The following PROSER2 variants were observed in gnomAD, a reference collection of about 807,000 sequenced individuals.
PROSER2 encodes proline and serine rich 2, also known as proline and serine-rich protein 2.
PROSER2 carries 18 observed loss-of-function variants against 14.6 expected under a neutral mutation model. That is an observed-to-expected ratio of 1.23 (90% confidence interval 0.85 to 1.83). The LOEUF is 1.83. Among genes scored for constraint, PROSER2 ranks in the 40% most tolerant of loss-of-function variants. The pLI is 0.00. For missense variants in PROSER2, 823 were observed against 629.8 expected (o/e 1.31, Z -3.28); for synonymous variants, 367 against 286.4 (o/e 1.28, Z -2.84).
intron 1 of PROSER2, among the ~76,000 whole-genome samples, chr10:11,832,337 T>C (rs1190034691): frequency 2.0e-5 from 3 of 152,240 alleles, no homozygotes; most frequent in Non-Finnish European, 4.4e-5. Flanking sequence ...AAGGTTTTTT[T>C]CTTGAAATTG....
chr10:11,843,042 A>G (rs1043756223), intron 1 of PROSER2, among the ~76,000 whole-genome samples: 5 of 141,780 alleles, frequency 3.5e-5, no homozygotes, highest in Non-Finnish European at 7.5e-5. Flanking sequence ...CTGGGTTTAC[A>G]CCATTCTCCT....
chr10:11,844,847 C>T (rs1311395113), intron 1 of PROSER2, among the ~76,000 whole-genome samples: 2 of 152,206 alleles, frequency 1.3e-5, no homozygotes, highest in African/African-American at 4.8e-5. Context: ...GTCTCAAACT[C>T]CTGACCTCAA....
At chr10:11,826,423 T>C (rs1833613909) in intron 1 of PROSER2, among the ~76,000 whole-genome samples, 1 of 152,198 alleles carries the variant, frequency 6.6e-6, no homozygotes, top group South Asian at 2.1e-4. Context: ...ATATGGTAAT[T>C]CTGTGATTAA....
Position 11,869,918 on chromosome 10 carries a change from G to T in PROSER2, c.820G>T (p.Ala274Ser), listed in dbSNP as rs779993273. 7 of 1,566,638 alleles carry T rather than the reference G, an allele frequency of 4.5e-6. 1 individual carries two copies. In the South Asian group the frequency reaches 8.2e-5, roughly 18 times the overall value. ...GGAGCCCCGCAGGACCCTGTCCAGG[G>T]CGGCCGTCAGCGTGCAGGAGCGCAG... is the stretch of plus-strand genomic sequence containing the variant. ...AREPRRTLSR[A>S]AVSVQERRAQ... The change falls in exon 4 of 4, where the codon GCG becomes TCG. Residue 274 changes from alanine to serine, a missense_variant. Transcript: ENST00000277570. This position sits in a 1 kb window ranked among gnomAD's most constrained non-coding sequence, Gnocchi z 4.4.
intron 1 of PROSER2, among the ~76,000 whole-genome samples, chr10:11,835,226 T>C (rs1224391278): frequency 6.6e-6 from 1 of 152,204 alleles, no homozygotes; most frequent in Non-Finnish European, 1.5e-5. Context: ...GAAAACGCTC[T>C]AGGAGCCCCA....
chr10:11,826,876 G>A lies in PROSER2; in HGVS notation c.-82+3406G>A, dbSNP rs191026402. Among the ~76,000 whole-genome samples, 355 of 135,866 alleles carry A rather than the reference G, an allele frequency of 2.6e-3. 3 individuals are homozygous for A. The highest frequency in any genetic ancestry group is 8.5e-3 in the African/African-American group (316 of 37,238). The allele number at this position is 135,866 out of a possible 152,430, so 89.1% of individuals were successfully genotyped here. On this transcript the variant is annotated intron_variant, in intron 1 of 3. Transcript: ENST00000277570. ...ATTACAGGCATGAGCCACTGCACCC[G>A]GCCTTTTTTTTTTTTTTTTTTCCTC...
chr10:11,865,338 T>C lies in PROSER2; in HGVS notation c.139-1193T>C, dbSNP rs909509628. On this transcript the variant is annotated intron_variant, in intron 2 of 3. Transcript: ENST00000277570. This position sits in a 1 kb window ranked among gnomAD's most constrained non-coding sequence, Gnocchi z 4.2. Reference sequence around the variant, plus strand: ...TGTAAAGAAAAAAAATCATGCTGTTTATGGATTCAGTATCCCCTCTTATCT... The same window carrying C: ...TGTAAAGAAAAAAAATCATGCTGTTCATGGATTCAGTATCCCCTCTTATCT... Among the ~76,000 whole-genome samples, 2 of 152,226 alleles carry C rather than the reference T, an allele frequency of 1.3e-5. No individual in the cohort carries two copies. Among genetic ancestry groups the C allele is most frequent in the African/African-American group, 4.8e-5 (2 of 41,460 alleles).
At chr10:11,834,840 C>T (rs1295937833) in intron 1 of PROSER2, among the ~76,000 whole-genome samples, 4 of 151,990 alleles carry the variant, frequency 2.6e-5, no homozygotes, top group South Asian at 2.1e-4. Flanking sequence ...CAGTGGCTCA[C>T]GCCTGTAATC....
At chr10:11,833,984 C>CTTTTTTTTTTT (rs35005102) in intron 1 of PROSER2, among the ~76,000 whole-genome samples, 4 of 48,226 alleles carry the variant, frequency 8.3e-5, no homozygotes, top group African/African-American at 3.9e-4. Context: ...GTAGCTCTTT[C>CTTTTTTTTTTT]TTTTTTTTTT....
chr10:11,843,528 AT>A (rs1235391038), intron 1 of PROSER2, among the ~76,000 whole-genome samples: 2 of 151,964 alleles, frequency 1.3e-5, no homozygotes, highest in African/African-American at 4.8e-5. Context: ...CCTACTAAAG[AT>A]ACAAAAATTA....
At chr10:11,827,399 A>T (rs139422787) in intron 1 of PROSER2, among the ~76,000 whole-genome samples, 3,178 of 152,216 alleles carry the variant, frequency 0.021, 45 homozygotes, top group Non-Finnish European at 0.037. Context: ...GTGACTAAGT[A>T]CAGTTATTTG....
intron 1 of PROSER2, among the ~76,000 whole-genome samples, chr10:11,827,906 G>A (rs1262865180): frequency 6.6e-6 from 1 of 151,976 alleles, no homozygotes; most frequent in East Asian, 1.9e-4. Context: ...TTGAACCCCT[G>A]GGTTCAAGCA....
intron 3 of PROSER2, among the ~76,000 whole-genome samples, chr10:11,867,423 A>C (rs1025660174): frequency 6.6e-6 from 1 of 152,194 alleles, no homozygotes; most frequent in East Asian, 1.9e-4. Flanking sequence ...ACTTGAGGCC[A>C]GGAGTTCAAG....
chr10:11,863,590 T>C (rs1834287032), intron 2 of PROSER2, among the ~76,000 whole-genome samples: 1 of 151,884 alleles, frequency 6.6e-6, no homozygotes, highest in Admixed American at 6.6e-5. Flanking sequence ...ACTCATAGCA[T>C]TATAGAGTCA....
intron 1 of PROSER2, among the ~76,000 whole-genome samples, chr10:11,846,283 G>A (rs1833922683): frequency 6.6e-6 from 1 of 152,208 alleles, no homozygotes; most frequent in East Asian, 1.9e-4. Flanking sequence ...CACCATGCCT[G>A]GCCTTGAACA....
At chr10:11,833,750 G>T (rs1450366045) in intron 1 of PROSER2, among the ~76,000 whole-genome samples, 1 of 152,098 alleles carries the variant, frequency 6.6e-6, no homozygotes, top group Non-Finnish European at 1.5e-5. Context: ...AGGAAAACAA[G>T]AATTACATGC....
At chr10:11,839,347 A>G (rs139616175) in intron 1 of PROSER2, among the ~76,000 whole-genome samples, 148 of 152,354 alleles carry the variant, frequency 9.7e-4, no homozygotes, top group Middle Eastern at 3.4e-3. Context: ...AACACAAGCT[A>G]TAAACAAAAA....
chr10:11,858,559 A>G (rs1834168493), intron 2 of PROSER2, among the ~76,000 whole-genome samples: 1 of 152,208 alleles, frequency 6.6e-6, no homozygotes, highest in African/African-American at 2.4e-5. Flanking sequence ...TAGTATGTTC[A>G]GCATTTTGAG....
At chr10:11,828,991 A>G (rs1459891457) in intron 1 of PROSER2, among the ~76,000 whole-genome samples, 3 of 152,222 alleles carry the variant, frequency 2.0e-5, no homozygotes, top group East Asian at 3.9e-4. Flanking sequence ...ATAGGGGGCA[A>G]TTTAGGCCAA....
Sources: gnomAD v4.1 joint callset for allele counts (sites outside exome capture counted in the v4.1 genomes callset) on GRCh38, gnomAD v4.1.1 for gene constraint, Gnocchi (gnomAD v3.1) non-coding constraint, MANE v1.5 for transcripts, NCBI Gene and HGNC (gene_info 2026-07-23, HGNC 2026-07-21) for gene names.